The following COLEC12 variants were observed in gnomAD, a reference collection of about 807,000 sequenced individuals.
COLEC12 encodes collectin subfamily member 12, also known as collectin-12.
Under a neutral mutation model 71.1 loss-of-function variants are expected in COLEC12, and 33 were observed. That is an observed-to-expected ratio of 0.46 (90% CI 0.35 to 0.62). COLEC12 has a LOEUF of 0.62. Among genes scored for constraint, COLEC12 ranks in the 20% least tolerant of loss-of-function variants. The pLI is 0.00. For synonymous variants in COLEC12, 350 were observed against 353.0 expected (o/e 0.99, Z 0.10); for missense variants, 765 against 916.1 (o/e 0.84, Z 2.13).
Position 480,609 on chromosome 18 carries a change from A to C in COLEC12, c.58+98T>G. The C allele has an allele frequency of 9.3e-7, 1 of 1,070,342 alleles. No individual in the cohort carries two copies. The highest frequency in any genetic ancestry group is 1.5e-6 in the Non-Finnish European group (1 of 684,744). The allele number at this position is 1,070,342 out of a possible 1,614,324, so 66.3% of individuals were successfully genotyped here. A position where few individuals can be genotyped will look rare whatever the true frequency, so the allele number is the denominator to read the frequency against. On this transcript the variant is annotated intron_variant, in intron 2 of 9. Transcript: ENST00000400256. The surrounding 1 kb of genome is among the most constrained non-coding windows in gnomAD (Gnocchi z 4.1). ...CTCAGAGCCACAAACACCCATGTGC[A>C]TGAAGGGCCTGCCAGTGGCCTGCCA... is the stretch of plus-strand genomic sequence containing the variant.
intron 2 of COLEC12, among the ~76,000 whole-genome samples, chr18:434,812 CATT>C (rs1402848824): frequency 6.6e-6 from 1 of 152,074 alleles, no homozygotes. Flanking sequence ...TTAATGAAAA[CATT>C]ATTCCCAATG....
At chr18:353,877 G>A (rs1338515647) in intron 3 of COLEC12, among the ~76,000 whole-genome samples, 1 of 152,182 alleles carries the variant, frequency 6.6e-6, no homozygotes, top group African/African-American at 2.4e-5. Flanking sequence ...TGTTATCCTG[G>A]ATCCTAAAGC....
chr18:459,128 C>T (rs1337678822), intron 2 of COLEC12, among the ~76,000 whole-genome samples: 1 of 152,212 alleles, frequency 6.6e-6, no homozygotes, highest in Non-Finnish European at 1.5e-5. Context: ...GCCGGGATTA[C>T]ATGCATGAGC....
rs148569514 is a variant in COLEC12, at chr18:347,466, G to A, written c.281-125C>T. Reference sequence around the variant, plus strand: ...TAGATGCAAAATTGGCAGTATAAGCGGACAGCTCTGCATTAGTAAAATGTA... The same window carrying A: ...TAGATGCAAAATTGGCAGTATAAGCAGACAGCTCTGCATTAGTAAAATGTA... On this transcript the variant is annotated intron_variant, in intron 4 of 9. Coordinates refer to ENST00000400256, the MANE Select transcript of COLEC12 (RefSeq NM_130386.3). The A allele has an allele frequency of 3.3e-5, 24 of 733,964 alleles. No individual in the cohort carries two copies. The Middle Eastern group carries it at 1.2e-3, about 37-fold the overall frequency. The allele number at this position is 733,964 out of a possible 1,614,324, so 45.5% of individuals were successfully genotyped here. A position where few individuals can be genotyped will look rare whatever the true frequency, so the allele number is the denominator to read the frequency against.
chr18:418,230 T>A (rs772054792), intron 2 of COLEC12, among the ~76,000 whole-genome samples: 11 of 152,242 alleles, frequency 7.2e-5, no homozygotes, highest in Non-Finnish European at 1.6e-4. Flanking sequence ...GGTATGGAGA[T>A]ACTTTGTAAG....
chr18:474,136 G>A (rs1273354861), intron 2 of COLEC12, among the ~76,000 whole-genome samples: 1 of 152,196 alleles, frequency 6.6e-6, no homozygotes, highest in Non-Finnish European at 1.5e-5. Flanking sequence ...GCTGGAGTAT[G>A]GCCGTGTCTG....
intron 2 of COLEC12, among the ~76,000 whole-genome samples, chr18:455,785 A>G (rs942914835): frequency 6.6e-6 from 1 of 152,086 alleles, no homozygotes; most frequent in Non-Finnish European, 1.5e-5. Context: ...GCTGAGAATG[A>G]TGGCTTCCAG....
intron 2 of COLEC12, among the ~76,000 whole-genome samples, chr18:437,239 A>C (rs986344556): frequency 6.6e-6 from 1 of 152,218 alleles, no homozygotes; most frequent in Non-Finnish European, 1.5e-5. Flanking sequence ...TCCTGTTTTA[A>C]TTTTATGGGC....
intron 2 of COLEC12, among the ~76,000 whole-genome samples, chr18:373,214 T>C (rs1428886793): frequency 6.6e-6 from 1 of 152,250 alleles, no homozygotes; most frequent in African/African-American, 2.4e-5. Context: ...GATTTTGTAT[T>C]TTGTCTACTT....
chr18:474,977 G>A (rs1380514572), intron 2 of COLEC12, among the ~76,000 whole-genome samples: 1 of 152,110 alleles, frequency 6.6e-6, no homozygotes, highest in Admixed American at 6.5e-5. Context: ...AGGAGGCTGA[G>A]GCAGGAGAAT....
intron 2 of COLEC12, among the ~76,000 whole-genome samples, chr18:432,104 T>C (rs898218115): frequency 2.6e-5 from 4 of 152,160 alleles, no homozygotes; most frequent in African/African-American, 9.7e-5. Flanking sequence ...CTCCATCTTT[T>C]TGTCTACACT....
chr18:379,112 AG>A (rs1915176901), intron 2 of COLEC12, among the ~76,000 whole-genome samples: 2 of 151,100 alleles, frequency 1.3e-5, no homozygotes, highest in African/African-American at 4.9e-5. Flanking sequence ...TAGGAAAAGA[AG>A]GTTTTGTTTT....
At chr18:321,115 T>C (rs1913694128) in intron 9 of COLEC12, among the ~76,000 whole-genome samples, 1 of 152,194 alleles carries the variant, frequency 6.6e-6, no homozygotes, top group Admixed American at 6.5e-5. Flanking sequence ...AGTGCAATGG[T>C]GCGATCTCGG....
chr18:433,426 G>A (rs1916343108), intron 2 of COLEC12, among the ~76,000 whole-genome samples: 1 of 152,128 alleles, frequency 6.6e-6, no homozygotes, highest in African/African-American at 2.4e-5. Context: ...GGACTGGTAA[G>A]TCCCGAGAAA....
At chr18:485,524 C>T (rs995578016) in intron 1 of COLEC12, among the ~76,000 whole-genome samples, 1 of 152,196 alleles carries the variant, frequency 6.6e-6, no homozygotes, top group Admixed American at 6.5e-5. Context: ...TCATTTTAAT[C>T]CTACAGGCTA....
At chr18:409,229 T>C (rs895843568) in intron 2 of COLEC12, among the ~76,000 whole-genome samples, 9 of 152,154 alleles carry the variant, frequency 5.9e-5, no homozygotes, top group African/African-American at 2.2e-4. Context: ...TGCATGCAAA[T>C]GGTTTAGGCT....
intron 5 of COLEC12, among the ~76,000 whole-genome samples, chr18:335,555 G>C (rs62089607): frequency 0.047 from 7,192 of 152,250 alleles, 296 homozygotes; most frequent in South Asian, 0.14. Flanking sequence ...TAAAGAAGAG[G>C]GGATTAGGTC....
At chr18:498,709 C>A (rs1004023341) in intron 1 of COLEC12, among the ~76,000 whole-genome samples, 1 of 152,020 alleles carries the variant, frequency 6.6e-6, no homozygotes, top group Non-Finnish European at 1.5e-5. Context: ...TTAGTCTACC[C>A]GGGGATTCAC....
At chr18:351,105 T>C (rs1016901122) in intron 3 of COLEC12, among the ~76,000 whole-genome samples, 2 of 152,166 alleles carry the variant, frequency 1.3e-5, no homozygotes, top group Non-Finnish European at 2.9e-5. Flanking sequence ...CAGGAAGAAG[T>C]AGTAAGTTCC....
Sources: gnomAD v4.1 joint callset for allele counts (sites outside exome capture counted in the v4.1 genomes callset) on GRCh38, gnomAD v4.1.1 for gene constraint, Gnocchi (gnomAD v3.1) non-coding constraint, MANE v1.5 for transcripts, NCBI Gene and HGNC (gene_info 2026-07-23, HGNC 2026-07-21) for gene names.